CNTNAP2: variants seen among roughly 807,000 people sequenced by gnomAD.
The protein encoded by CNTNAP2 is contactin-associated protein-like 2.
A neutral mutation model predicts 155.2 loss-of-function variants in CNTNAP2; 98 were observed. The ratio of observed to expected loss-of-function variants is 0.63; its 90% CI spans 0.54 to 0.75. The LOEUF is 0.75. Ranked by LOEUF, CNTNAP2 falls within the 30% of genes least tolerant of loss-of-function variation. CNTNAP2 has a pLI of 0.00. For synonymous variants in CNTNAP2, 651 were observed against 631.2 expected (o/e 1.03, Z -0.47); for missense variants, 1,727 against 1,688.1 (o/e 1.02, Z -0.40).
intron 13 of CNTNAP2, among the ~76,000 whole-genome samples, chr7:147,762,155 T>TCACACA (rs72526174): frequency 0.11 from 15,538 of 144,332 alleles, 2,277 homozygotes; most frequent in African/African-American, 0.33. Context: ...TCTCTCTGTC[T>TCACACA]CACACACACA....
At chr7:148,183,304 G>T (rs2906282) in intron 18 of CNTNAP2, among the ~76,000 whole-genome samples, 34,427 of 152,110 alleles carry the variant, frequency 0.23, 4,292 homozygotes, top group African/African-American at 0.32. Flanking sequence ...GGCAGATAGT[G>T]GTGGGTTGCA....
intron 3 of CNTNAP2, among the ~76,000 whole-genome samples, chr7:147,001,759 T>G (rs1279229457): frequency 2.0e-5 from 3 of 151,488 alleles, no homozygotes; most frequent in African/African-American, 7.3e-5. Flanking sequence ...ACAAAGCTTG[T>G]CAGGTATTTG....
At chr7:147,909,620 C>T (rs1394391168) in intron 14 of CNTNAP2, among the ~76,000 whole-genome samples, 2 of 152,208 alleles carry the variant, frequency 1.3e-5, no homozygotes, top group Non-Finnish European at 2.9e-5. Flanking sequence ...AATATTCCCA[C>T]CTACAGTGCC....
chr7:148,116,068 G>A (rs947403505), intron 15 of CNTNAP2, among the ~76,000 whole-genome samples: 7 of 152,010 alleles, frequency 4.6e-5, no homozygotes, highest in African/African-American at 1.4e-4. Flanking sequence ...GCACCTGGGA[G>A]GGGGAGGTTG....
intron 1 of CNTNAP2, among the ~76,000 whole-genome samples, chr7:146,176,706 CTGGCCTCCGTGAACCCGACATTCTGATGT>C (rs1798476433): frequency 6.6e-6 from 1 of 152,108 alleles, no homozygotes; most frequent in Non-Finnish European, 1.5e-5. Context: ...GGCTAAGTTC[CTGGCCTCCGTGAACCCGACATTCTGATGT>C]GACTGCTTTA....
At position 148,420,881 on chromosome 7, in the gene CNTNAP2, GA is replaced by G. The variant is rs1483396289; in HGVS notation, c.*5267del. 1 of 152,578 alleles carries G rather than the reference GA, an allele frequency of 6.6e-6. No individual in the cohort carries two copies. The highest frequency in any genetic ancestry group is 1.5e-5 in the Non-Finnish European group (1 of 68,022). The allele number at this position is 152,578 out of a possible 1,614,324, so 9.5% of individuals were successfully genotyped here. A position where few individuals can be genotyped will look rare whatever the true frequency, so the allele number is the denominator to read the frequency against. On this transcript the variant is annotated 3_prime_UTR_variant, in exon 24 of 24. Transcript: ENST00000361727. ...CAACAGCATGTAAACTAGAATGAAA[GA>G]AGGAAATTATGTACGTATGCCTAAT...
chr7:147,061,913 G>A (rs1275027793), intron 4 of CNTNAP2, among the ~76,000 whole-genome samples: 1 of 151,760 alleles, frequency 6.6e-6, no homozygotes, highest in African/African-American at 2.4e-5. Context: ...CGGATCACGA[G>A]GTCAGGAGAT....
At chr7:146,622,275 CTATCTA>C (rs1263510265) in intron 1 of CNTNAP2, among the ~76,000 whole-genome samples, 43 of 84,438 alleles carry the variant, frequency 5.1e-4, no homozygotes, top group South Asian at 1.7e-3. Context: ...ATCTATCTAT[CTATCTA>C]TATATATATA....
At chr7:146,993,199 C>A (rs1318567031) in intron 3 of CNTNAP2, among the ~76,000 whole-genome samples, 1 of 152,110 alleles carries the variant, frequency 6.6e-6, no homozygotes, top group South Asian at 2.1e-4. Context: ...CCTATTTGAC[C>A]TTCTGACTTG....
chr7:147,883,285 T>A (rs2116719282), intron 13 of CNTNAP2, among the ~76,000 whole-genome samples: 1 of 152,290 alleles, frequency 6.6e-6, no homozygotes, highest in African/African-American at 2.4e-5. Context: ...GAGTAGACTG[T>A]CAAAACAAGT....
intron 12 of CNTNAP2, among the ~76,000 whole-genome samples, chr7:147,602,641 C>G (rs1421026401): frequency 1.3e-5 from 2 of 150,542 alleles, no homozygotes; most frequent in South Asian, 2.1e-4. Flanking sequence ...CCTCCCCACT[C>G]CCCCCACCCC....
At chr7:146,266,835 C>T (rs1052729960) in intron 1 of CNTNAP2, among the ~76,000 whole-genome samples, 23 of 150,712 alleles carry the variant, frequency 1.5e-4, no homozygotes, top group African/African-American at 5.6e-4. Flanking sequence ...TCCACATCCT[C>T]ACTGCAACAC....
intron 4 of CNTNAP2, among the ~76,000 whole-genome samples, chr7:147,059,671 C>T (rs1421192776): frequency 6.6e-6 from 1 of 152,088 alleles, no homozygotes; most frequent in African/African-American, 2.4e-5. Context: ...GAGCAATAAG[C>T]AGCATTTATT....
At chr7:148,166,094 C>G (rs1042086357) in intron 17 of CNTNAP2, among the ~76,000 whole-genome samples, 2 of 151,892 alleles carry the variant, frequency 1.3e-5, no homozygotes, top group African/African-American at 4.8e-5. Flanking sequence ...GAAATTGCAG[C>G]CTCCCCCACC....
At chr7:147,677,683 C>T (rs905617003) in intron 13 of CNTNAP2, among the ~76,000 whole-genome samples, 3 of 151,526 alleles carry the variant, frequency 2.0e-5, no homozygotes, top group Non-Finnish European at 4.4e-5. Flanking sequence ...CCATTTTAAG[C>T]AGATTTTTAT....
At chr7:147,613,907 G>A (rs192640223) in intron 12 of CNTNAP2, among the ~76,000 whole-genome samples, 1 of 152,256 alleles carries the variant, frequency 6.6e-6, no homozygotes, top group East Asian at 1.9e-4. Flanking sequence ...GAAGGTCTGT[G>A]TTTCATTAGG....
intron 1 of CNTNAP2, among the ~76,000 whole-genome samples, chr7:146,333,012 C>T (rs552621017): frequency 1.3e-4 from 18 of 137,290 alleles, no homozygotes; most frequent in Admixed American, 1.3e-3. Context: ...GGTGCGATCT[C>T]GGCTTACTGC....
intron 8 of CNTNAP2, among the ~76,000 whole-genome samples, chr7:147,239,924 T>C (rs1263056253): frequency 4.6e-5 from 7 of 152,114 alleles, no homozygotes; most frequent in Non-Finnish European, 1.0e-4. Context: ...TATTTCAAAG[T>C]TTTTGGGGTA....
intron 1 of CNTNAP2, among the ~76,000 whole-genome samples, chr7:146,124,556 TTAAA>T (rs1366867949): frequency 6.6e-6 from 1 of 152,192 alleles, no homozygotes; most frequent in Non-Finnish European, 1.5e-5. Context: ...TAAGTACGTG[TTAAA>T]TAATGGCCTA....
Sources: allele counts gnomAD v4.1 joint callset (sites outside exome capture counted in the v4.1 genomes callset), GRCh38; gene constraint gnomAD v4.1.1; transcripts MANE v1.5; gene names NCBI Gene and HGNC (gene_info 2026-07-23, HGNC 2026-07-21).